NOS1AP: variants seen among roughly 807,000 people sequenced by gnomAD.
NOS1AP encodes carboxyl-terminal PDZ ligand of neuronal nitric oxide synthase protein.
A neutral mutation model predicts 56.2 loss-of-function variants in NOS1AP; 21 were observed. That is an observed-to-expected ratio of 0.37 (90% CI 0.26 to 0.54). NOS1AP has a LOEUF of 0.54. Ranked by LOEUF, NOS1AP falls within the 20% of genes least tolerant of loss-of-function variation. The pLI is 0.84. For missense variants in NOS1AP, 522 were observed against 657.8 expected (o/e 0.79, Z 2.26); for synonymous variants, 270 against 274.6 (o/e 0.98, Z 0.17).
intron 2 of NOS1AP, among the ~76,000 whole-genome samples, chr1:162,239,464 A>G (rs1653413064): frequency 6.6e-6 from 1 of 152,226 alleles, no homozygotes. Context: ...GCCTGTCACC[A>G]AAAGGATTCC....
At chr1:162,310,997 A>G (rs1242384635) in intron 4 of NOS1AP, among the ~76,000 whole-genome samples, 1 of 151,822 alleles carries the variant, frequency 6.6e-6, no homozygotes. Context: ...CTCCCTACAA[A>G]TATGTTCAGC....
At chr1:162,122,665 G>A (rs1648289461) in intron 1 of NOS1AP, among the ~76,000 whole-genome samples, 1 of 151,890 alleles carries the variant, frequency 6.6e-6, no homozygotes, top group African/African-American at 2.4e-5. Flanking sequence ...TTACCACCAT[G>A]CCTAGCTAAT....
chr1:162,300,585 G>A, intron 3 of NOS1AP, 48 bp from the exon 4 acceptor site: 1 of 1,508,936 alleles, frequency 6.6e-7, no homozygotes, highest in Non-Finnish European at 9.2e-7. Context: ...AGCTCAGTGT[G>A]TGCCCTGGTC....
chr1:162,131,051 TG>T (rs946110734), intron 1 of NOS1AP, among the ~76,000 whole-genome samples: 1 of 152,158 alleles, frequency 6.6e-6, no homozygotes, highest in Admixed American at 6.5e-5. Flanking sequence ...TTTCTGCAAA[TG>T]GAGGAGTTTC....
chr1:162,260,701 C>G (rs1654180829), intron 2 of NOS1AP, among the ~76,000 whole-genome samples: 2 of 152,134 alleles, frequency 1.3e-5, no homozygotes, highest in African/African-American at 4.8e-5. Context: ...TGATCACACC[C>G]ACCTTTTTTT....
intron 2 of NOS1AP, among the ~76,000 whole-genome samples, chr1:162,232,499 G>A (rs1006801457): frequency 6.6e-6 from 1 of 151,972 alleles, no homozygotes; most frequent in Non-Finnish European, 1.5e-5. Flanking sequence ...CCTCAGGGAA[G>A]CTGAAGAGTG....
intron 4 of NOS1AP, among the ~76,000 whole-genome samples, chr1:162,326,311 C>T (rs1656589668): frequency 6.6e-6 from 1 of 152,100 alleles, no homozygotes; most frequent in South Asian, 2.1e-4. Flanking sequence ...TGACTGGAGA[C>T]CTTTCACAGC....
chr1:162,218,449 G>A (rs1342624381), intron 2 of NOS1AP, among the ~76,000 whole-genome samples: 2 of 152,086 alleles, frequency 1.3e-5, no homozygotes, highest in East Asian at 1.9e-4. Context: ...TTGAGCAATC[G>A]CAGTAAGGGT....
At position 162,241,950 on chromosome 1, in the gene NOS1AP, A is replaced by G. The variant is rs940095911; in HGVS notation, c.178-45394A>G. Among the ~76,000 whole-genome samples, 11 of 152,326 alleles carry G rather than the reference A, an allele frequency of 7.2e-5. No individual in the cohort carries two copies. The South Asian group carries it at 2.1e-3, about 29-fold the overall frequency. On this transcript the variant is annotated intron_variant, in intron 2 of 9. Coordinates refer to ENST00000361897, the MANE Select transcript of NOS1AP (RefSeq NM_014697.3). ...TTCATCTCTAACCACAATCCCATGA[A>G]AGTTGAATGTCATATCTCCACTGTA...
intron 2 of NOS1AP, among the ~76,000 whole-genome samples, chr1:162,190,333 TTC>T (rs1553194170): frequency 6.8e-6 from 1 of 146,270 alleles, no homozygotes; most frequent in Non-Finnish European, 1.5e-5. Flanking sequence ...CAAGATTTCT[TTC>T]TTCTCTGAAC....
rs1115777 is a variant in NOS1AP at position 162,359,727 on chromosome 1, G to C, written c.939+2591G>C. Among the ~76,000 whole-genome samples, 172 of 151,930 alleles carry C rather than the reference G, an allele frequency of 1.1e-3. 1 individual carries two copies. The highest frequency in any genetic ancestry group is 3.8e-3 in the African/African-American group (157 of 41,346). ...AGCTTGGTTTCTCTACGCGGGGGGG[G>C]GCTGATTTCAGTTTCCAGCACGAGG... On this transcript the variant is annotated intron_variant, in intron 8 of 9. Transcript: ENST00000361897.
chr1:162,345,447 A>T (rs191594769), intron 6 of NOS1AP, among the ~76,000 whole-genome samples: 5 of 152,000 alleles, frequency 3.3e-5, no homozygotes, highest in Admixed American at 3.3e-4. Flanking sequence ...GAGAATGATG[A>T]TTTCTAACAG....
chr1:162,318,970 T>C (rs1324726885), intron 4 of NOS1AP, among the ~76,000 whole-genome samples: 1 of 152,164 alleles, frequency 6.6e-6, no homozygotes, highest in Non-Finnish European at 1.5e-5. Context: ...ATGATTCTTG[T>C]GTCCACCTGC....
At chr1:162,111,842 G>A (rs1647723127) in intron 1 of NOS1AP, among the ~76,000 whole-genome samples, 1 of 152,232 alleles carries the variant, frequency 6.6e-6, no homozygotes, top group Non-Finnish European at 1.5e-5. Flanking sequence ...GTCAAGCCGG[G>A]TTAGTGTTGG....
chr1:162,096,770 T>A (rs558520427), intron 1 of NOS1AP, among the ~76,000 whole-genome samples: 3 of 152,332 alleles, frequency 2.0e-5, no homozygotes, highest in African/African-American at 7.2e-5. Context: ...ATTAGTTCAT[T>A]CATTTTCACT....
At chr1:162,319,456 T>C (rs758006928) in intron 4 of NOS1AP, among the ~76,000 whole-genome samples, 6 of 152,130 alleles carry the variant, frequency 3.9e-5, no homozygotes, top group Non-Finnish European at 7.4e-5. Context: ...GCTCTGTAGC[T>C]GGGCTCTCCA....
At chr1:162,228,634 C>A (rs977958425) in intron 2 of NOS1AP, among the ~76,000 whole-genome samples, 1 of 152,204 alleles carries the variant, frequency 6.6e-6, no homozygotes, top group African/African-American at 2.4e-5. Context: ...TGGCAATAGA[C>A]CAGCGCCCAG....
intron 2 of NOS1AP, among the ~76,000 whole-genome samples, chr1:162,202,006 G>A (rs1652009185): frequency 6.6e-6 from 1 of 152,140 alleles, no homozygotes; most frequent in Admixed American, 6.5e-5. Context: ...TATTCTATGG[G>A]GGTGGTGGAG....
chr1:162,237,331 C>A (rs1392095295), intron 2 of NOS1AP, among the ~76,000 whole-genome samples: 2 of 152,152 alleles, frequency 1.3e-5, no homozygotes, highest in African/African-American at 4.8e-5. Flanking sequence ...TAAAATTGGG[C>A]CTTGGGAAGG....
Sources: allele counts gnomAD v4.1 joint callset (sites outside exome capture counted in the v4.1 genomes callset), GRCh38; gene constraint gnomAD v4.1.1; transcripts MANE v1.5; gene names NCBI Gene and HGNC (gene_info 2026-07-23, HGNC 2026-07-21).